The following PLPP1 variants were observed in gnomAD, a reference collection of about 807,000 sequenced individuals.
PLPP1 encodes the protein lipid phosphate phosphohydrolase 1a.
A neutral mutation model predicts 31.2 loss-of-function variants in PLPP1; 24 were observed. That is an observed-to-expected ratio of 0.77 (90% confidence interval 0.56 to 1.08). PLPP1 has a LOEUF of 1.08. PLPP1 is among the 50% of genes least tolerant of loss of function. The probability of loss-of-function intolerance (pLI) is 0.00; values close to 1 mark genes in which losing one functional copy is unlikely to be tolerated. For missense variants in PLPP1, 319 were observed against 342.7 expected (o/e 0.93, Z 0.55); for synonymous variants, 146 against 126.3 (o/e 1.16, Z -1.05).
At chr5:55,489,292 CT>C (rs1040418609) in intron 1 of PLPP1, among the ~76,000 whole-genome samples, 49 of 152,126 alleles carry the variant, frequency 3.2e-4, no homozygotes, top group African/African-American at 1.1e-3. Flanking sequence ...AAAAAAGAAA[CT>C]TTATCTGGCA....
chr5:55,488,857 C>G (rs1752829575), intron 1 of PLPP1, among the ~76,000 whole-genome samples: 2 of 152,056 alleles, frequency 1.3e-5, no homozygotes, highest in South Asian at 4.1e-4. Flanking sequence ...AGCGAAACCC[C>G]ATTTCTACTA....
intron 3 of PLPP1, among the ~76,000 whole-genome samples, chr5:55,444,316 T>C (rs986631994): frequency 6.6e-6 from 1 of 152,120 alleles, no homozygotes; most frequent in African/African-American, 2.4e-5. Flanking sequence ...CCTGACCTCA[T>C]GTGATCCGTC....
At chr5:55,475,595 T>C in intron 1 of PLPP1, 145 bp from the exon 2 acceptor site, 2 of 691,848 alleles carry the variant, frequency 2.9e-6, no homozygotes, top group South Asian at 2.2e-5. Context: ...AATGCAGCAA[T>C]GCATGCAACG....
At chr5:55,489,773 C>T (rs1752848544) in intron 1 of PLPP1, among the ~76,000 whole-genome samples, 1 of 152,142 alleles carries the variant, frequency 6.6e-6, no homozygotes, top group African/African-American at 2.4e-5. Flanking sequence ...CAGAACAAGG[C>T]TACTGAGTTT....
At chr5:55,522,754 C>T (rs1395066729) in intron 1 of PLPP1, among the ~76,000 whole-genome samples, 1 of 151,468 alleles carries the variant, frequency 6.6e-6, no homozygotes, top group Non-Finnish European at 1.5e-5. Context: ...GACGGAGCCT[C>T]ACTCTGTCAT....
intron 2 of PLPP1, among the ~76,000 whole-genome samples, chr5:55,472,690 CAGAA>C (rs1315127020): frequency 1.3e-4 from 18 of 140,714 alleles, no homozygotes; most frequent in South Asian, 9.1e-4. Flanking sequence ...GAGATAAAGA[CAGAA>C]AGAGAGAGAA....
At chr5:55,495,944 G>C (rs1314348387) in intron 1 of PLPP1, among the ~76,000 whole-genome samples, 5 of 152,040 alleles carry the variant, frequency 3.3e-5, no homozygotes, top group Non-Finnish European at 7.4e-5. Flanking sequence ...TGCAACCTCT[G>C]CCTCCCAGTT....
chr5:55,467,759 G>A, intron 3 of PLPP1, 110 bp downstream of exon 3: 1 of 1,210,384 alleles, frequency 8.3e-7, no homozygotes, highest in South Asian at 1.6e-5. Context: ...TCACCTCCCA[G>A]TGATAACACT....
At chr5:55,530,800 G>A in intron 1 of PLPP1, 2 of 1,445,644 alleles carry the variant, frequency 1.4e-6, no homozygotes, top group African/African-American at 1.4e-5. Context: ...ACAGGGCGCG[G>A]TCCGCACGGG....
chr5:55,433,696 A>G (rs1437285739), intron 4 of PLPP1, among the ~76,000 whole-genome samples: 1 of 150,692 alleles, frequency 6.6e-6, no homozygotes, highest in African/African-American at 2.4e-5. Context: ...AGACGGTTTC[A>G]CTGTGTTAGC....
rs116266030 is a variant in PLPP1, at chr5:55,488,604, C to T, written c.59-13154G>A. ...GAGGTTGCACTAAGTCGAGACTGTGCCACTGCACTCCAGCCCAGGCAACAG... is the reference window on the plus strand; with the variant it reads ...GAGGTTGCACTAAGTCGAGACTGTGTCACTGCACTCCAGCCCAGGCAACAG... On this transcript the variant is annotated intron_variant, in intron 1 of 5. Coordinates refer to ENST00000307259, the MANE Select transcript of PLPP1 (RefSeq NM_003711.4). Among the ~76,000 whole-genome samples the T allele has an allele frequency of 2.4e-3, 362 of 152,082 alleles. 3 individuals carry two copies. Among genetic ancestry groups the T allele is most frequent in the African/African-American group, 8.1e-3 (338 of 41,478 alleles).
chr5:55,459,105 A>C (rs1752095096), intron 3 of PLPP1, among the ~76,000 whole-genome samples: 1 of 151,894 alleles, frequency 6.6e-6, no homozygotes, highest in Non-Finnish European at 1.5e-5. Flanking sequence ...AAAAATATAT[A>C]ACCCAAACAA....
chr5:55,455,139 TC>T (rs1437177496), intron 3 of PLPP1, among the ~76,000 whole-genome samples: 18 of 152,106 alleles, frequency 1.2e-4, no homozygotes, highest in Admixed American at 1.1e-3. Context: ...TGTATTTAAA[TC>T]TGATTCATAC....
At chr5:55,497,190 C>T (rs1038648469) in intron 1 of PLPP1, among the ~76,000 whole-genome samples, 20 of 151,796 alleles carry the variant, frequency 1.3e-4, no homozygotes, top group African/African-American at 4.6e-4. Context: ...AGCTGCAACG[C>T]CAAGAAAGAA....
chr5:55,524,551 C>G (rs748441152), intron 1 of PLPP1, among the ~76,000 whole-genome samples: 4 of 152,164 alleles, frequency 2.6e-5, no homozygotes, highest in Non-Finnish European at 4.4e-5. Flanking sequence ...TGGCTCACAC[C>G]TGTAATCCCA....
intron 1 of PLPP1, among the ~76,000 whole-genome samples, chr5:55,518,245 G>T (rs1753593555): frequency 6.6e-6 from 1 of 152,164 alleles, no homozygotes; most frequent in Admixed American, 6.5e-5. Context: ...CACCTGAGAT[G>T]CTTAAGTATG....
At chr5:55,510,625 A>G (rs1753384474) in intron 1 of PLPP1, among the ~76,000 whole-genome samples, 2 of 152,134 alleles carry the variant, frequency 1.3e-5, no homozygotes, top group African/African-American at 4.8e-5. Flanking sequence ...TGCTCTACAC[A>G]ATGACCCCAC....
chr5:55,525,004 A>G (rs1753750680), intron 1 of PLPP1, among the ~76,000 whole-genome samples: 1 of 152,180 alleles, frequency 6.6e-6, no homozygotes. Flanking sequence ...CCACAGACCT[A>G]CACAGATCAA....
chr5:55,509,925 G>A, intron 1 of PLPP1, among the ~76,000 whole-genome samples: 1 of 152,090 alleles, frequency 6.6e-6, no homozygotes, highest in East Asian at 1.9e-4. Context: ...TTTTAAGATG[G>A]CAAAGGTCAC....
Sources: gnomAD v4.1 joint callset for allele counts (sites outside exome capture counted in the v4.1 genomes callset) on GRCh38, gnomAD v4.1.1 for gene constraint, MANE v1.5 for transcripts, NCBI Gene and HGNC (gene_info 2026-07-23, HGNC 2026-07-21) for gene names.